GTF2E1: variants seen among roughly 807,000 people sequenced by gnomAD.
GTF2E1 encodes TFIIE alpha subunit.
Under a neutral mutation model 34.9 loss-of-function variants are expected in GTF2E1, and 14 were observed. The ratio of observed to expected loss-of-function variants is 0.40; its 90% CI spans 0.27 to 0.63. The LOEUF (loss-of-function observed/expected upper bound fraction) is 0.63, where lower values mean the gene tolerates loss of function less well. Among genes scored for constraint, GTF2E1 ranks in the 20% least tolerant of loss-of-function variants. GTF2E1 has a pLI of 0.39. For synonymous variants in GTF2E1, 188 were observed against 192.9 expected, an observed-to-expected ratio of 0.97 and a Z score of 0.21; for missense variants, 469 against 557.7, an observed-to-expected ratio of 0.84 and a Z score of 1.60.
intron 4 of GTF2E1, among the ~76,000 whole-genome samples, chr3:120,778,136 T>G (rs1324925285): frequency 6.6e-6 from 1 of 152,244 alleles, no homozygotes; most frequent in Non-Finnish European, 1.5e-5. Flanking sequence ...TAAAGCAGCC[T>G]TCTTTTCTTT....
chr3:120,770,550 G>A (rs1709342896), intron 2 of GTF2E1, among the ~76,000 whole-genome samples, 178 bp from the exon 3 acceptor site: 1 of 152,154 alleles, frequency 6.6e-6, no homozygotes, highest in African/African-American at 2.4e-5. Flanking sequence ...GATATGTGAT[G>A]AATAGCAAAA....
intron 1 of GTF2E1, among the ~76,000 whole-genome samples, chr3:120,745,388 G>A (rs1041181527): frequency 6.6e-6 from 1 of 152,142 alleles, no homozygotes; most frequent in African/African-American, 2.4e-5. Flanking sequence ...GAAACAGGCT[G>A]AGCAATAAGT....
chr3:120,765,068 T>C (rs1336747045), intron 2 of GTF2E1, among the ~76,000 whole-genome samples: 1 of 152,046 alleles, frequency 6.6e-6, no homozygotes, highest in East Asian at 1.9e-4. Context: ...TTTTACTTTT[T>C]TTATTTTGGA....
chr3:120,753,597 T>C (rs1709185225), intron 2 of GTF2E1, among the ~76,000 whole-genome samples: 1 of 152,184 alleles, frequency 6.6e-6, no homozygotes, highest in African/African-American at 2.4e-5. Flanking sequence ...TTAACTCAAG[T>C]GTATGGGCAG....
chr3:120,743,579 A>C (rs926136664), intron 1 of GTF2E1, among the ~76,000 whole-genome samples: 7 of 152,218 alleles, frequency 4.6e-5, no homozygotes, highest in Admixed American at 1.3e-4. Context: ...TGGAGAAAGT[A>C]CAAGAAGGGG....
chr3:120,758,460 T>C (rs1709229127), intron 2 of GTF2E1, among the ~76,000 whole-genome samples: 1 of 152,204 alleles, frequency 6.6e-6, no homozygotes, highest in South Asian at 2.1e-4. Flanking sequence ...CTGGGGTACA[T>C]GTGCACAACG....
chr3:120,744,309 G>A (rs1354400718), intron 1 of GTF2E1, among the ~76,000 whole-genome samples: 1 of 152,228 alleles, frequency 6.6e-6, no homozygotes, highest in Non-Finnish European at 1.5e-5. Context: ...GAGATTCAGC[G>A]TGAGTGGGAA....
chr3:120,780,898 T>G, intron 4 of GTF2E1, 145 bp from the exon 5 acceptor site: 1 of 596,270 alleles, frequency 1.7e-6, no homozygotes, highest in South Asian at 2.5e-5. Flanking sequence ...TTTTGAATAT[T>G]TTATGGATAG....
chr3:120,756,944 C>CA (rs571399374), intron 2 of GTF2E1, among the ~76,000 whole-genome samples: 215 of 150,076 alleles, frequency 1.4e-3, no homozygotes, highest in South Asian at 0.013. Context: ...AACAAACAAA[C>CA]AAAAAAAAAC....
chr3:120,779,249 C>T (rs1297464085), intron 4 of GTF2E1, among the ~76,000 whole-genome samples: 2 of 152,152 alleles, frequency 1.3e-5, no homozygotes, highest in Non-Finnish European at 2.9e-5. Flanking sequence ...TAATTTAATA[C>T]TTAAACATTA....
chr3:120,782,938 A>C lies in GTF2E1; in HGVS notation c.*1468A>C, dbSNP rs1356026069. The C allele has an allele frequency of 6.6e-6, 1 of 152,200 alleles. No homozygotes were observed. Among genetic ancestry groups the C allele is most frequent in the East Asian group, 1.9e-4 (1 of 5,206 alleles). 9.4% of individuals were successfully genotyped at this position (152,200 alleles called of 1,614,324 possible). ...TATATCTTACAATATTTTTCCTTGC[A>C]TTGTAATTTTTAAGTATTTATCATT... On this transcript the variant is annotated 3_prime_UTR_variant, in exon 5 of 5. Coordinates refer to ENST00000283875, the MANE Select transcript of GTF2E1 (RefSeq NM_005513.3).
chr3:120,772,556 T>C (rs1233162560), intron 3 of GTF2E1, among the ~76,000 whole-genome samples: 1 of 152,218 alleles, frequency 6.6e-6, no homozygotes, highest in Non-Finnish European at 1.5e-5. Context: ...TTCAGTCCTT[T>C]TAAGTTATAT....
At chr3:120,751,027 TTAAAA>T (rs1709160502) in intron 2 of GTF2E1, 27 bp downstream of exon 2, 7 of 1,450,578 alleles carry the variant, frequency 4.8e-6, no homozygotes, top group East Asian at 2.3e-5. Context: ...TTGTGAATCT[TTAAAA>T]TAAAGTGTGT....
At position 120,772,175 on chromosome 3, in the gene GTF2E1, T is replaced by C. The variant is rs78367390; in HGVS notation, c.650+1246T>C. On this transcript the variant is annotated intron_variant, in intron 3 of 4. Transcript: ENST00000283875. ...CCTTCCTTGTGTCCTATTTTAAAACTGAAGAAAGGTTTCCCAGAGGGCTCC... is the reference window on the plus strand; with the variant it reads ...CCTTCCTTGTGTCCTATTTTAAAACCGAAGAAAGGTTTCCCAGAGGGCTCC... Among the ~76,000 whole-genome samples, 1,287 of 152,270 alleles carry C rather than the reference T, an allele frequency of 8.5e-3. 30 individuals carry two copies. In the South Asian group the frequency reaches 0.09, roughly 11 times the overall value.
rs1709445687 is a variant in GTF2E1 at position 120,781,349 on chromosome 3, G to A, written c.1199G>A (p.Gly400Asp). ...GATGACCCCATTGTCATGGTGGCTG[G>A]CCGTCCGTTCTCCTACAGTGAAGTG... ...VADDPIVMVA[G>D]RPFSYSEVSQ... The change falls in exon 5 of 5, where the codon GGC becomes GAC. Residue 400 changes from glycine (G) to aspartate (D), a missense_variant. Physicochemically the swap from Gly to Asp is moderately conservative, Grantham distance 94 (BLOSUM62 -1). Transcript: ENST00000283875. The A allele has an allele frequency of 6.2e-7, 1 of 1,614,128 alleles. No homozygotes were observed. Among genetic ancestry groups the A allele is most frequent in the Non-Finnish European group, 8.5e-7 (1 of 1,179,972 alleles).
At chr3:120,767,229 AGACT>A (rs1277331928) in intron 2 of GTF2E1, among the ~76,000 whole-genome samples, 1 of 152,174 alleles carries the variant, frequency 6.6e-6, no homozygotes, top group Non-Finnish European at 1.5e-5. Context: ...GCAGAGATAC[AGACT>A]GACTGCTTTT....
chr3:120,751,800 A>G (rs61796376), intron 2 of GTF2E1, among the ~76,000 whole-genome samples: 9,301 of 152,222 alleles, frequency 0.061, 466 homozygotes, highest in African/African-American at 0.13. Context: ...AATCTATAGA[A>G]GGACTCAGTG....
At chr3:120,780,911 G>A (rs1709440930) in intron 4 of GTF2E1, 132 bp from the exon 5 acceptor site, 1 of 629,258 alleles carries the variant, frequency 1.6e-6, no homozygotes, top group Admixed American at 3.1e-5. Context: ...ATGGATAGCA[G>A]CTCAAAAATG....
chr3:120,766,474 T>C (rs1709308623), intron 2 of GTF2E1, among the ~76,000 whole-genome samples: 1 of 152,152 alleles, frequency 6.6e-6, no homozygotes, highest in Non-Finnish European at 1.5e-5. Flanking sequence ...TTTTTTATCA[T>C]TCTTTTTGAT....
Sources: allele counts gnomAD v4.1 joint callset (sites outside exome capture counted in the v4.1 genomes callset), GRCh38; gene constraint gnomAD v4.1.1; transcripts MANE v1.5; gene names NCBI Gene and HGNC (gene_info 2026-07-23, HGNC 2026-07-21).